TFAP2E: variants seen among roughly 807,000 people sequenced by gnomAD.
The protein encoded by TFAP2E is transcription factor AP-2 epsilon.
A neutral mutation model predicts 37.9 loss-of-function variants in TFAP2E; 30 were observed. That is an observed-to-expected ratio of 0.79 (90% CI 0.59 to 1.07). The LOEUF is 1.07. Among genes scored for constraint, TFAP2E ranks in the 50% least tolerant of loss-of-function variants. The probability of loss-of-function intolerance (pLI) is 0.00; values close to 1 mark genes in which losing one functional copy is unlikely to be tolerated. For missense variants in TFAP2E, 567 were observed against 637.9 expected, an observed-to-expected ratio of 0.89 and a Z score of 1.20; for synonymous variants, 318 against 295.8, an observed-to-expected ratio of 1.08 and a Z score of -0.77.
At chr1:35,585,415 C>A (rs1005295895) in intron 3 of TFAP2E, among the ~76,000 whole-genome samples, 2 of 152,184 alleles carry the variant, frequency 1.3e-5, no homozygotes, top group African/African-American at 4.8e-5. Context: ...GCCAACCTCC[C>A]CCACAGCCCA....
In TFAP2E at chr1:35,588,612, T is replaced by C; in HGVS notation, c.785+60T>C. The C allele has an allele frequency of 6.8e-7, 1 of 1,481,186 alleles. No homozygotes were observed. 91.8% of individuals were successfully genotyped at this position (1,481,186 alleles called of 1,614,324 possible). On this transcript the variant is annotated intron_variant, in intron 4 of 6. Coordinates refer to ENST00000373235, the MANE Select transcript of TFAP2E (RefSeq NM_178548.4). This position sits in a 1 kb window ranked among gnomAD's most constrained non-coding sequence, Gnocchi z 5.1. ...GGATCCCTGGCCTCTTCAGGCCTTC[T>C]CAAGGCATCAGAGAGGAGGCCAGTC...
intron 6 of TFAP2E, among the ~76,000 whole-genome samples, chr1:35,591,968 G>A (rs1160624284): frequency 6.6e-6 from 1 of 152,188 alleles, no homozygotes; most frequent in Non-Finnish European, 1.5e-5. Context: ...AATTACAGGT[G>A]TGAACCACCA....
At chr1:35,574,843 G>C in intron 2 of TFAP2E, 106 bp from the exon 3 acceptor site, 2 of 1,502,054 alleles carry the variant, frequency 1.3e-6, no homozygotes, top group Non-Finnish European at 1.8e-6. Context: ...AGCGAAGCTG[G>C]TGCGCCTTGG....
At position 35,594,527 on chromosome 1, in the gene TFAP2E, G is replaced by A. The variant is rs759784927; in HGVS notation, c.1180G>A (p.Gly394Ser). ...CTTTAGCCTCATCACCCATGGCTTC[G>A]GTGGGCCTGCCATCTGTGCTGCCCT... ...THFSLITHGF[G>S]GPAICAALTA... Residue 394 changes from glycine to serine, a missense_variant, in exon 7 of 7, where the codon GGT becomes AGT. Transcript: ENST00000373235. 32 of 1,614,058 alleles carry A rather than the reference G, an allele frequency of 2.0e-5. No homozygotes were observed. The highest frequency in any genetic ancestry group is 6.7e-5 in the East Asian group (3 of 44,890).
chr1:35,582,523 C>G (rs77392075), intron 3 of TFAP2E, among the ~76,000 whole-genome samples: 2 of 80,378 alleles, frequency 2.5e-5, no homozygotes, highest in South Asian at 7.2e-4. Flanking sequence ...TTTTTTTTTT[C>G]ATAGAAACAG....
In TFAP2E at chr1:35,590,906, C is replaced by T. The variant is rs142048137; in HGVS notation, c.1046+131C>T. On this transcript the variant is annotated intron_variant, in intron 6 of 6. Coordinates refer to ENST00000373235, the MANE Select transcript of TFAP2E (RefSeq NM_178548.4). The surrounding 1 kb of genome is among the most constrained non-coding windows in gnomAD (Gnocchi z 6.2). ...GCGTATTTGCGCACCACTGTGTACA[C>T]GAGCAGTGGGCACACACACATACGT... 9.5e-4 allele frequency: 1,033 copies of T among 1,090,104 alleles called. 1 individual carries two copies. Among genetic ancestry groups the T allele is most frequent in the Middle Eastern group, 2.2e-3 (9 of 4,016 alleles). The allele number at this position is 1,090,104 out of a possible 1,614,324, so 67.5% of individuals were successfully genotyped here. A position where few individuals can be genotyped will look rare whatever the true frequency, so the allele number is the denominator to read the frequency against.
rs1350811764 is a variant in TFAP2E at position 35,574,262 on chromosome 1, C to A, written c.363C>A (p.Ala121=). The A allele has an allele frequency of 7.3e-7, 1 of 1,360,906 alleles. No homozygotes were observed. The allele number at this position is 1,360,906 out of a possible 1,614,324, so 84.3% of individuals were successfully genotyped here. ...EEPPGLLAPP[A]RALGLDPRRD... is the part of the protein sequence containing the mutation. ...CTCCCGGCCTGCTGGCACCGCCCGC[C>A]CGCGCCCTGGGCCTTGACCCGCGCC... Residue 121 remains alanine (A), a synonymous_variant, in exon 2 of 7, where the codon GCC becomes GCA. Coordinates refer to ENST00000373235, the MANE Select transcript of TFAP2E (RefSeq NM_178548.4).
intron 3 of TFAP2E, 120 bp downstream of exon 3, chr1:35,575,120 C>A (rs570262338): frequency 7.8e-7 from 1 of 1,281,632 alleles, no homozygotes; most frequent in Non-Finnish European, 1.1e-6. Context: ...CCACCAGGCA[C>A]TCTTCCTGGC....
chr1:35,591,914 C>G (rs1248765375), intron 6 of TFAP2E, among the ~76,000 whole-genome samples: 1 of 152,172 alleles, frequency 6.6e-6, no homozygotes, highest in Non-Finnish European at 1.5e-5. Context: ...TCTCGAACTC[C>G]TGGCCTCAGG....
chr1:35,588,464 A>G lies in TFAP2E; in HGVS notation c.697A>G (p.Lys233Glu), dbSNP rs750689651. The change falls in exon 4 of 7, where the codon AAG becomes GAG. Residue 233 changes from lysine to glutamate, a missense_variant. Transcript: ENST00000373235. This position sits in a 1 kb window ranked among gnomAD's most constrained non-coding sequence, Gnocchi z 5.1. ...GRLSLLSSTS[K>E]YKVTVGEVQR... ...GCTTTCACTGCTCAGCTCAACGTCC[A>G]AGTACAAGGTGACGGTGGGGGAGGT... 1 of 1,610,386 alleles carries G rather than the reference A, an allele frequency of 6.2e-7. No individual in the cohort carries two copies. The highest frequency in any genetic ancestry group is 8.5e-7 in the Non-Finnish European group (1 of 1,179,544).
chr1:35,584,377 A>G lies in TFAP2E; in HGVS notation c.563-3953A>G, dbSNP rs144061804. Among the ~76,000 whole-genome samples the G allele has an allele frequency of 5.3e-3, 799 of 152,142 alleles. 6 individuals are homozygous for G. Among genetic ancestry groups the G allele is most frequent in the South Asian group, 0.018 (88 of 4,812 alleles). ...CTCAGTTTCCCAAAGTGTTGGGATT[A>G]CAGGTGTGAGTTACCATGCTCAGCC... On this transcript the variant is annotated intron_variant, in intron 3 of 6. Transcript: ENST00000373235.
rs112456622 is a variant in TFAP2E at position 35,591,014 on chromosome 1, G to A, written c.1046+239G>A. ...GTGAGCAGTGGGCACACACACGTAC[G>A]TGCGCGCCACTGTGTACACGAGCAG... On this transcript the variant is annotated intron_variant, in intron 6 of 6. Coordinates refer to ENST00000373235, the MANE Select transcript of TFAP2E (RefSeq NM_178548.4). Among the ~76,000 whole-genome samples the A allele has an allele frequency of 1.6e-3, 242 of 151,516 alleles. 3 individuals are homozygous for A. Among genetic ancestry groups the A allele is most frequent in the African/African-American group, 5.4e-3 (221 of 41,294 alleles).
At chr1:35,587,649 A>AAAG (rs1571106118) in intron 3 of TFAP2E, among the ~76,000 whole-genome samples, 1 of 148,014 alleles carries the variant, frequency 6.8e-6, no homozygotes, top group East Asian at 1.9e-4. Context: ...AAAAAAAAAA[A>AAAG]AAAAAAAGAA....
Position 35,594,677 on chromosome 1 carries a change from C to T in TFAP2E, c.*1C>T, listed in dbSNP as rs1649780965. On this transcript the variant is annotated 3_prime_UTR_variant, in exon 7 of 7. Transcript: ENST00000373235. ...GAAGGATGCCAAGCATCGGAAATAA[C>T]TGCTTCTCCCACCCCATCCCTAAGG... is the stretch of plus-strand genomic sequence containing the variant. 4.3e-6 allele frequency: 7 copies of T among 1,613,676 alleles called. No homozygotes were observed. Among genetic ancestry groups the T allele is most frequent in the Non-Finnish European group, 5.9e-6 (7 of 1,180,040 alleles).
At chr1:35,583,029 A>G (rs940614733) in intron 3 of TFAP2E, among the ~76,000 whole-genome samples, 2 of 151,912 alleles carry the variant, frequency 1.3e-5, no homozygotes, top group African/African-American at 4.8e-5. Flanking sequence ...CAGCCTCCCA[A>G]GTAGCTGGGA....
At position 35,581,077 on chromosome 1, in the gene TFAP2E, T is replaced by C. The variant is rs139544373; in HGVS notation, c.562+6077T>C. ...ACTGATCTGCTTTCTGTCCATAAAT[T>C]TGCATATTCTGGACATGTTCTATAA... On this transcript the variant is annotated intron_variant, in intron 3 of 6. Transcript: ENST00000373235. 5.9e-3 allele frequency among the ~76,000 whole-genome samples: 898 copies of C among 152,282 alleles called. 20 individuals carry two copies. In the East Asian group the frequency reaches 0.062, roughly 11 times the overall value.
At chr1:35,583,603 A>ACTGT (rs1649408454) in intron 3 of TFAP2E, among the ~76,000 whole-genome samples, 1 of 137,914 alleles carries the variant, frequency 7.3e-6, no homozygotes, top group Non-Finnish European at 1.6e-5. Flanking sequence ...TGTCTGCAGG[A>ACTGT]GTGTGTGTGT....
At chr1:35,580,714 G>C (rs1249637823) in intron 3 of TFAP2E, among the ~76,000 whole-genome samples, 2 of 151,986 alleles carry the variant, frequency 1.3e-5, no homozygotes, top group Non-Finnish European at 2.9e-5. Context: ...GGCGGAGCTT[G>C]CAGTGAGCTG....
At chr1:35,574,836 G>A in intron 2 of TFAP2E, 113 bp from the exon 3 acceptor site, 9 of 1,463,002 alleles carry the variant, frequency 6.2e-6, no homozygotes, top group Non-Finnish European at 6.7e-6. Flanking sequence ...CGCCCCAAGC[G>A]AAGCTGGTGC....
Sources: gnomAD v4.1 joint callset for allele counts (sites outside exome capture counted in the v4.1 genomes callset) on GRCh38, gnomAD v4.1.1 for gene constraint, Gnocchi (gnomAD v3.1) non-coding constraint, MANE v1.5 for transcripts, NCBI Gene and HGNC (gene_info 2026-07-23, HGNC 2026-07-21) for gene names.